The following PLPPR1 variants were observed in gnomAD, a reference collection of about 807,000 sequenced individuals.
PLPPR1 encodes phospholipid phosphatase related 1, also known as phospholipid phosphatase-related protein type 1.
PLPPR1 carries 10 observed loss-of-function variants against 33.1 expected under a neutral mutation model. The ratio of observed to expected loss-of-function variants is 0.30; its 90% CI spans 0.19 to 0.51. The LOEUF (loss-of-function observed/expected upper bound fraction) is 0.51, where lower values mean the gene tolerates loss of function less well. PLPPR1 is among the 20% of genes least tolerant of loss of function. The pLI is 0.97. For synonymous variants in PLPPR1, 151 were observed against 151.0 expected (o/e 1.00, Z 0.00); for missense variants, 304 against 408.1 (o/e 0.74, Z 2.20).
At chr9:101,056,816 G>A (rs1274954932) in intron 1 of PLPPR1, among the ~76,000 whole-genome samples, 1 of 152,172 alleles carries the variant, frequency 6.6e-6, no homozygotes, top group Admixed American at 6.5e-5. Context: ...TTGTGATCAT[G>A]TCAGTGGACC....
chr9:101,061,845 A>G (rs1649964721), intron 1 of PLPPR1, among the ~76,000 whole-genome samples: 1 of 152,042 alleles, frequency 6.6e-6, no homozygotes, highest in African/African-American at 2.4e-5. Flanking sequence ...GAACTGCTTT[A>G]ATATGATAAC....
intron 4 of PLPPR1, among the ~76,000 whole-genome samples, chr9:101,295,103 T>C (rs1828597326): frequency 6.6e-6 from 1 of 152,030 alleles, no homozygotes; most frequent in East Asian, 1.9e-4. Flanking sequence ...TTCAGCAAAG[T>C]CTCAGGATAC....
chr9:101,115,459 T>C (rs2118583812), intron 1 of PLPPR1, among the ~76,000 whole-genome samples: 1 of 152,350 alleles, frequency 6.6e-6, no homozygotes, highest in South Asian at 2.1e-4. Context: ...CTTATCATAC[T>C]TTTGGGATTT....
intron 2 of PLPPR1, among the ~76,000 whole-genome samples, chr9:101,225,288 T>C (rs772455154): frequency 2.0e-4 from 31 of 152,180 alleles, no homozygotes; most frequent in Admixed American, 1.3e-3. Flanking sequence ...TAAGTCAATT[T>C]CTTTAGAATA....
intron 1 of PLPPR1, among the ~76,000 whole-genome samples, chr9:101,134,835 G>A (rs901760291): frequency 1.3e-5 from 2 of 151,978 alleles, no homozygotes; most frequent in South Asian, 2.1e-4. Flanking sequence ...GGCCTGGTAC[G>A]GAGCAGCAGA....
chr9:101,282,163 C>CA (rs905522872), intron 3 of PLPPR1, among the ~76,000 whole-genome samples: 6 of 152,040 alleles, frequency 3.9e-5, no homozygotes, highest in Non-Finnish European at 8.8e-5. Context: ...CAAAGATGCT[C>CA]AAAAAACCCT....
At chr9:101,045,182 C>G (rs1200881021) in intron 1 of PLPPR1, among the ~76,000 whole-genome samples, 4 of 152,164 alleles carry the variant, frequency 2.6e-5, no homozygotes, top group Non-Finnish European at 4.4e-5. Flanking sequence ...TCTCAATGCC[C>G]TCGACCTCTG....
At chr9:101,242,204 G>C (rs1348692901) in intron 2 of PLPPR1, among the ~76,000 whole-genome samples, 1 of 151,628 alleles carries the variant, frequency 6.6e-6, no homozygotes, top group Non-Finnish European at 1.5e-5. Flanking sequence ...ACTTCAAGAA[G>C]AGACATTCCA....
intron 1 of PLPPR1, among the ~76,000 whole-genome samples, chr9:101,102,279 A>C (rs1456904141): frequency 8.7e-6 from 1 of 115,278 alleles, no homozygotes; most frequent in Non-Finnish European, 1.7e-5. Flanking sequence ...ATATCTCCCA[A>C]TGCTATCCCT....
intron 2 of PLPPR1, among the ~76,000 whole-genome samples, chr9:101,269,254 A>G (rs1203365765): frequency 6.6e-6 from 1 of 152,168 alleles, no homozygotes; most frequent in Non-Finnish European, 1.5e-5. Context: ...AGATACGATC[A>G]TCAGCAAAGT....
chr9:101,273,828 T>A (rs1442523378), intron 3 of PLPPR1, among the ~76,000 whole-genome samples: 1 of 152,230 alleles, frequency 6.6e-6, no homozygotes, highest in Non-Finnish European at 1.5e-5. Context: ...TATAGTCCAT[T>A]TCTTTTGGCA....
At chr9:101,183,472 A>G (rs1230050785) in intron 1 of PLPPR1, among the ~76,000 whole-genome samples, 1 of 151,810 alleles carries the variant, frequency 6.6e-6, no homozygotes. Context: ...AGAGTCAGAA[A>G]GCAGATTACC....
chr9:101,177,558 G>A (rs889121608), intron 1 of PLPPR1, among the ~76,000 whole-genome samples: 1 of 152,092 alleles, frequency 6.6e-6, no homozygotes, highest in African/African-American at 2.4e-5. Flanking sequence ...CAAAATAGTT[G>A]TTCCAAATAG....
chr9:101,201,921 C>G (rs1182270419), intron 2 of PLPPR1, among the ~76,000 whole-genome samples: 2 of 152,144 alleles, frequency 1.3e-5, no homozygotes, highest in African/African-American at 4.8e-5. Flanking sequence ...GCTTCTCAAC[C>G]TAATGACATA....
chr9:101,171,483 G>C (rs1001134961), intron 1 of PLPPR1, among the ~76,000 whole-genome samples: 1 of 152,146 alleles, frequency 6.6e-6, no homozygotes, highest in Admixed American at 6.5e-5. Flanking sequence ...TAGCTCAAGG[G>C]CTGCATTGTG....
At chr9:101,092,755 CA>C (rs1176184715) in intron 1 of PLPPR1, among the ~76,000 whole-genome samples, 1 of 152,152 alleles carries the variant, frequency 6.6e-6, no homozygotes, top group African/African-American at 2.4e-5. Context: ...TGTGTCCCCT[CA>C]AAATCCATCT....
At chr9:101,211,522 C>T (rs1826690998) in intron 2 of PLPPR1, among the ~76,000 whole-genome samples, 2 of 152,276 alleles carry the variant, frequency 1.3e-5, no homozygotes, top group Non-Finnish European at 2.9e-5. Flanking sequence ...CTAGGGGTTT[C>T]CTGGTGGTCT....
Position 101,044,557 on chromosome 9 carries a change from T to C in PLPPR1, c.-46+15455T>C, listed in dbSNP as rs115795179. 9.7e-3 allele frequency among the ~76,000 whole-genome samples: 1,480 copies of C among 152,304 alleles called. 22 individuals are homozygous for C. Among genetic ancestry groups the C allele is most frequent in the African/African-American group, 0.034 (1,395 of 41,556 alleles). ...AAGAGAATTGTTTTGAGATAAAGTA[T>C]TGGAGGGTAAATTTTAAAATTCTGC... is the stretch of plus-strand genomic sequence containing the variant. On this transcript the variant is annotated intron_variant, in intron 1 of 7. Coordinates refer to ENST00000374874, the MANE Select transcript of PLPPR1 (RefSeq NM_207299.2).
At chr9:101,294,062 C>A (rs1474867517) in intron 4 of PLPPR1, among the ~76,000 whole-genome samples, 2 of 151,940 alleles carry the variant, frequency 1.3e-5, no homozygotes, top group African/African-American at 4.8e-5. Context: ...GCTAGCAAGA[C>A]TAATAAAGAA....
Sources: gnomAD v4.1 joint callset for allele counts (sites outside exome capture counted in the v4.1 genomes callset) on GRCh38, gnomAD v4.1.1 for gene constraint, MANE v1.5 for transcripts, NCBI Gene and HGNC (gene_info 2026-07-23, HGNC 2026-07-21) for gene names.